The following XYLT1 variants were observed in gnomAD, a reference collection of about 807,000 sequenced individuals.
XYLT1 encodes beta-D-xylosyltransferase 1.
XYLT1 carries 36 observed loss-of-function variants against 91.3 expected under a neutral mutation model. That is an observed-to-expected ratio of 0.39 (90% CI 0.30 to 0.52). The LOEUF (loss-of-function observed/expected upper bound fraction) is 0.52. XYLT1 is among the 20% of genes least tolerant of loss of function. The pLI is 0.68. For synonymous variants in XYLT1, 588 were observed against 532.0 expected, an observed-to-expected ratio of 1.11 and a Z score of -1.45; for missense variants, 1,242 against 1,284.5, an observed-to-expected ratio of 0.97 and a Z score of 0.51.
chr16:17,109,297 A>G (rs1015588911), intron 11 of XYLT1, among the ~76,000 whole-genome samples: 3 of 152,192 alleles, frequency 2.0e-5, no homozygotes, highest in Non-Finnish European at 4.4e-5. Context: ...GATTCAGCCA[A>G]TATATATTTT....
At chr16:17,216,631 C>T (rs1162345847) in intron 3 of XYLT1, among the ~76,000 whole-genome samples, 1 of 152,170 alleles carries the variant, frequency 6.6e-6, no homozygotes, top group East Asian at 1.9e-4. Flanking sequence ...GTCACTCGGC[C>T]AAGCCCTGTA....
intron 1 of XYLT1, among the ~76,000 whole-genome samples, chr16:17,393,690 G>C (rs1446703852): frequency 1.3e-5 from 2 of 152,044 alleles, no homozygotes; most frequent in Non-Finnish European, 2.9e-5. Flanking sequence ...AAGGTGGGAG[G>C]ACTGTTTAAG....
intron 1 of XYLT1, among the ~76,000 whole-genome samples, chr16:17,399,985 C>A (rs545727120): frequency 6.6e-6 from 1 of 152,252 alleles, no homozygotes; most frequent in Non-Finnish European, 1.5e-5. Flanking sequence ...TCAACACAAT[C>A]GCTAAGGATC....
chr16:17,301,136 C>T (rs1016957200), intron 2 of XYLT1, among the ~76,000 whole-genome samples: 25 of 152,076 alleles, frequency 1.6e-4, no homozygotes, highest in Non-Finnish European at 3.5e-4. Context: ...TTAGGCTGGG[C>T]ACAGTGGCTC....
chr16:17,463,180 T>G (rs1004441640), intron 1 of XYLT1, among the ~76,000 whole-genome samples: 5 of 152,088 alleles, frequency 3.3e-5, no homozygotes, highest in African/African-American at 7.2e-5. Flanking sequence ...GAATTTTTTT[T>G]GGGTAAGACC....
chr16:17,299,885 T>C (rs1031502498), intron 2 of XYLT1, among the ~76,000 whole-genome samples: 1 of 152,184 alleles, frequency 6.6e-6, no homozygotes, highest in Non-Finnish European at 1.5e-5. Flanking sequence ...TAAGCTATGA[T>C]GCTGCTTTAT....
chr16:17,423,666 T>C (rs1045064704), intron 1 of XYLT1, among the ~76,000 whole-genome samples: 17 of 151,906 alleles, frequency 1.1e-4, no homozygotes, highest in African/African-American at 3.9e-4. Flanking sequence ...CTGGAGTGCA[T>C]TGGTGCAATC....
chr16:17,282,358 T>C (rs1046649682), intron 2 of XYLT1, among the ~76,000 whole-genome samples: 7 of 152,222 alleles, frequency 4.6e-5, no homozygotes, highest in Non-Finnish European at 1.0e-4. Context: ...GCTGTCTATT[T>C]GCTCTAAAGA....
At chr16:17,133,575 G>A (rs956690301) in intron 9 of XYLT1, among the ~76,000 whole-genome samples, 60 of 152,306 alleles carry the variant, frequency 3.9e-4, no homozygotes, top group African/African-American at 9.6e-4. Flanking sequence ...ACTGAGCAGC[G>A]TGGAGAAATG....
At chr16:17,347,723 T>G (rs1435202883) in intron 2 of XYLT1, among the ~76,000 whole-genome samples, 1 of 152,346 alleles carries the variant, frequency 6.6e-6, no homozygotes, top group South Asian at 2.1e-4. Flanking sequence ...TTGGCAGTGC[T>G]GAGCCAGCGA....
At chr16:17,305,384 T>C (rs2034455110) in intron 2 of XYLT1, among the ~76,000 whole-genome samples, 1 of 151,904 alleles carries the variant, frequency 6.6e-6, no homozygotes. Flanking sequence ...TTTCTTAATA[T>C]TTACATATAA....
intron 6 of XYLT1, 44 bp downstream of exon 6, chr16:17,158,785 A>G (rs2031477218): frequency 1.2e-6 from 2 of 1,601,278 alleles, no homozygotes; most frequent in East Asian, 4.5e-5. Context: ...GATCACTCAG[A>G]TTTTCATTTC....
At chr16:17,402,359 G>A (rs1261795061) in intron 1 of XYLT1, among the ~76,000 whole-genome samples, 1 of 151,890 alleles carries the variant, frequency 6.6e-6, no homozygotes, top group Non-Finnish European at 1.5e-5. Context: ...GCACTATTAA[G>A]TGAATATGAA....
intron 1 of XYLT1, among the ~76,000 whole-genome samples, chr16:17,438,797 T>C (rs2036495163): frequency 1.3e-5 from 2 of 151,982 alleles, no homozygotes; most frequent in African/African-American, 2.4e-5. Flanking sequence ...GAGAACTCAC[T>C]CATTATCACG....
At chr16:17,276,115 G>A (rs1230732447) in intron 2 of XYLT1, among the ~76,000 whole-genome samples, 6 of 152,192 alleles carry the variant, frequency 3.9e-5, no homozygotes. Flanking sequence ...TCAGAACTGA[G>A]CTTCCCCAGA....
At chr16:17,388,664 G>A (rs1263063177) in intron 1 of XYLT1, among the ~76,000 whole-genome samples, 2 of 152,184 alleles carry the variant, frequency 1.3e-5, no homozygotes, top group Non-Finnish European at 2.9e-5. Context: ...TACGGAGGGT[G>A]CTTTACCATA....
At chr16:17,274,800 T>C (rs2033947454) in intron 2 of XYLT1, among the ~76,000 whole-genome samples, 1 of 152,160 alleles carries the variant, frequency 6.6e-6, no homozygotes, top group Non-Finnish European at 1.5e-5. Context: ...ACTCCTTTTA[T>C]AATAACAACG....
intron 3 of XYLT1, among the ~76,000 whole-genome samples, chr16:17,258,477 G>A (rs1355723060): frequency 6.6e-6 from 1 of 151,258 alleles, no homozygotes; most frequent in African/African-American, 2.4e-5. Flanking sequence ...GGAATGAGAA[G>A]GAAAGAAGGA....
At chr16:17,230,637 C>A (rs1445526774) in intron 3 of XYLT1, among the ~76,000 whole-genome samples, 2 of 152,180 alleles carry the variant, frequency 1.3e-5, no homozygotes, top group African/African-American at 4.8e-5. Context: ...TTTTGGAATA[C>A]CCTGCTCTTT....
Sources: allele counts gnomAD v4.1 joint callset (sites outside exome capture counted in the v4.1 genomes callset), GRCh38; gene constraint gnomAD v4.1.1; transcripts MANE v1.5; gene names NCBI Gene and HGNC (gene_info 2026-07-23, HGNC 2026-07-21).